The following AIG1 variants were observed in gnomAD, a reference collection of about 807,000 sequenced individuals.
AIG1 encodes androgen-induced gene 1 protein.
Under a neutral mutation model 31.4 loss-of-function variants are expected in AIG1, and 23 were observed. That is an observed-to-expected ratio of 0.73 (90% CI 0.53 to 1.04). The LOEUF (loss-of-function observed/expected upper bound fraction) is 1.04, where lower values mean the gene tolerates loss of function less well. Among genes scored for constraint, AIG1 ranks in the 50% least tolerant of loss-of-function variants. The pLI is 0.00. For missense variants in AIG1, 274 were observed against 295.0 expected (o/e 0.93, Z 0.52); for synonymous variants, 100 against 110.5 (o/e 0.90, Z 0.60).
intron 2 of AIG1, among the ~76,000 whole-genome samples, chr6:143,143,544 T>A (rs1784459771): frequency 8.6e-6 from 1 of 116,828 alleles, no homozygotes; most frequent in East Asian, 2.9e-4. Context: ...TATATATATA[T>A]ATATATATAT....
chr6:143,236,663 C>G (rs1387064337), intron 3 of AIG1, among the ~76,000 whole-genome samples: 1 of 152,044 alleles, frequency 6.6e-6, no homozygotes, highest in East Asian at 1.9e-4. Context: ...GGCTCCAGTC[C>G]TTTGTGTCAC....
intron 3 of AIG1, among the ~76,000 whole-genome samples, chr6:143,196,621 T>C (rs1201606629): frequency 6.6e-6 from 1 of 152,174 alleles, no homozygotes; most frequent in Non-Finnish European, 1.5e-5. Context: ...TGACCAGATG[T>C]CATTTAAAGG....
chr6:143,080,813 C>T (rs1258829553), intron 1 of AIG1, among the ~76,000 whole-genome samples: 2 of 152,050 alleles, frequency 1.3e-5, no homozygotes, highest in Non-Finnish European at 2.9e-5. Context: ...TCCAAGACTC[C>T]ACTCCAGCCA....
At chr6:143,323,372 A>G (rs1776369874) in intron 4 of AIG1, among the ~76,000 whole-genome samples, 1 of 152,160 alleles carries the variant, frequency 6.6e-6, no homozygotes, top group Non-Finnish European at 1.5e-5. Flanking sequence ...GATACCTCCC[A>G]GATTCTGTAC....
At chr6:143,308,741 T>A (rs1228344326) in intron 4 of AIG1, among the ~76,000 whole-genome samples, 1 of 152,206 alleles carries the variant, frequency 6.6e-6, no homozygotes, top group African/African-American at 2.4e-5. Flanking sequence ...ACTCTTAATT[T>A]AATTTACCTT....
chr6:143,112,338 C>A (rs1283766558), intron 1 of AIG1, among the ~76,000 whole-genome samples: 1 of 152,156 alleles, frequency 6.6e-6, no homozygotes, highest in Non-Finnish European at 1.5e-5. Flanking sequence ...TAGGGGGAAC[C>A]TTTTCTCATT....
rs767477296 is a variant in AIG1, at chr6:143,061,058, A to G, written c.133A>G (p.Ile45Val). The stretch of plus-strand genomic sequence containing the variant: ...AGGGAGCTGGAAATTCCTGACGTTC[A>G]TTGATCTGGTAAGGCCGTCCCCTCC... ...YGGSWKFLTFIDLVIQAVFFG... is the reference protein window; with the variant it reads ...YGGSWKFLTFVDLVIQAVFFG... Residue 45 changes from isoleucine (I) to valine (V), a missense_variant, in exon 1 of 6, where the codon ATT (isoleucine) becomes GTT (valine). By Grantham distance (29) the Ile-to-Val change is conservative. Transcript: ENST00000357847. 6.2e-7 allele frequency: 1 copy of G among 1,611,884 alleles called. No individual in the cohort carries two copies. The highest frequency in any genetic ancestry group is 1.1e-5 in the South Asian group (1 of 91,034).
chr6:143,231,486 C>A (rs780554995), intron 3 of AIG1, among the ~76,000 whole-genome samples: 4 of 152,162 alleles, frequency 2.6e-5, no homozygotes, highest in Non-Finnish European at 5.9e-5. Flanking sequence ...GAGGAACTAT[C>A]TCGTGAACAG....
intron 3 of AIG1, among the ~76,000 whole-genome samples, chr6:143,208,284 C>A (rs1388672547): frequency 6.6e-6 from 1 of 152,186 alleles, no homozygotes; most frequent in Admixed American, 6.5e-5. Flanking sequence ...ATTAAATAAT[C>A]TAACTTAGCA....
chr6:143,184,102 T>C (rs1789000240), intron 3 of AIG1, among the ~76,000 whole-genome samples: 1 of 152,232 alleles, frequency 6.6e-6, no homozygotes, highest in Non-Finnish European at 1.5e-5. Context: ...TCATCTACCA[T>C]GTGAACCTTA....
rs369292155 is a variant in AIG1, at chr6:143,339,692, G to C, written c.*16G>C. On this transcript the variant is annotated 3_prime_UTR_variant, in exon 6 of 6. Transcript: ENST00000357847. ...ATTGGAATGAGATCCAAGTCTAAAC[G>C]CAAGAGCTAGATTGAGCCGCCATTG... 2.7e-5 allele frequency: 43 copies of C among 1,612,444 alleles called. No individual in the cohort carries two copies. The highest frequency in any genetic ancestry group is 5.5e-5 in the South Asian group (5 of 90,936).
Position 143,079,224 on chromosome 6 carries a change from G to GA in AIG1, c.141+18167dup, listed in dbSNP as rs1394561730. Among the ~76,000 whole-genome samples the GA allele has an allele frequency of 1.2e-4, 18 of 150,314 alleles. 1 individual carries two copies. The highest frequency in any genetic ancestry group is 3.9e-4 in the East Asian group (2 of 5,150). On this transcript the variant is annotated intron_variant, in intron 1 of 5. Coordinates refer to ENST00000357847, the MANE Select transcript of AIG1 (RefSeq NM_016108.4). The stretch of plus-strand genomic sequence containing the variant: ...GGGGTTTTAGGTACTCATGCTAAAG[G>GA]AAAAAAAAAGAGGGAATCATAATCT...
At chr6:143,149,121 T>G (rs1383803510) in intron 2 of AIG1, among the ~76,000 whole-genome samples, 1 of 152,164 alleles carries the variant, frequency 6.6e-6, no homozygotes, top group African/African-American at 2.4e-5. Context: ...CTCCAAACTT[T>G]TTGACAAACC....
chr6:143,232,940 C>A (rs909303121), intron 3 of AIG1, among the ~76,000 whole-genome samples: 3 of 152,184 alleles, frequency 2.0e-5, no homozygotes, highest in African/African-American at 4.8e-5. Context: ...ACTGGCCATG[C>A]CTCCTGTTTC....
At position 143,329,012 on chromosome 6, in the gene AIG1, A is replaced by G. The variant is rs1776849504; in HGVS notation, c.516-4270A>G. ...GCAAGGCCATGAGTCATCTTTGTGC[A>G]GAGAATTGAGCCCTGATAAAAATCA... On this transcript the variant is annotated intron_variant, in intron 4 of 5. Coordinates refer to ENST00000357847, the MANE Select transcript of AIG1 (RefSeq NM_016108.4). The surrounding 1 kb of genome is among the most constrained non-coding windows in gnomAD (Gnocchi z 4.9). 6.6e-6 allele frequency among the ~76,000 whole-genome samples: 1 copy of G among 152,240 alleles called. No individual in the cohort carries two copies. The highest frequency in any genetic ancestry group is 1.5e-5 in the Non-Finnish European group (1 of 68,034).
chr6:143,163,441 A>G (rs959465705), intron 2 of AIG1, among the ~76,000 whole-genome samples: 4 of 152,134 alleles, frequency 2.6e-5, no homozygotes, highest in African/African-American at 9.7e-5. Flanking sequence ...TATCTGTCCC[A>G]GTTACCCAAG....
At chr6:143,089,834 G>A (rs1286638520) in intron 1 of AIG1, among the ~76,000 whole-genome samples, 1 of 152,146 alleles carries the variant, frequency 6.6e-6, no homozygotes, top group Non-Finnish European at 1.5e-5. Context: ...ACCTATTCCT[G>A]AGTGATCCAC....
intron 2 of AIG1, among the ~76,000 whole-genome samples, chr6:143,145,772 G>A (rs1008827734): frequency 4.6e-5 from 7 of 152,146 alleles, no homozygotes; most frequent in Admixed American, 2.0e-4. Context: ...ATAACAATAT[G>A]TAAAATAAGT....
In AIG1 at chr6:143,302,529, C is replaced by T. The variant is rs548045652; in HGVS notation, c.515+18304C>T. Among the ~76,000 whole-genome samples the T allele has an allele frequency of 9.2e-5, 14 of 152,242 alleles. No individual in the cohort carries two copies. The South Asian group carries it at 1.9e-3, about 20-fold the overall frequency. Reference sequence around the variant, plus strand: ...TGAGAATGATGATTTCCAATTTCATCCATGTCCCTACAAAGGACATGAACT... The same window carrying T: ...TGAGAATGATGATTTCCAATTTCATTCATGTCCCTACAAAGGACATGAACT... On this transcript the variant is annotated intron_variant, in intron 4 of 5. Transcript: ENST00000357847.
Sources: gnomAD v4.1 joint callset for allele counts (sites outside exome capture counted in the v4.1 genomes callset) on GRCh38, gnomAD v4.1.1 for gene constraint, Gnocchi (gnomAD v3.1) non-coding constraint, MANE v1.5 for transcripts, NCBI Gene and HGNC (gene_info 2026-07-23, HGNC 2026-07-21) for gene names.